The following RNLS variants were observed in gnomAD, a reference collection of about 807,000 sequenced individuals.
RNLS encodes renalase.
Under a neutral mutation model 39.8 loss-of-function variants are expected in RNLS, and 39 were observed. That is an observed-to-expected ratio of 0.98 (90% confidence interval 0.76 to 1.28). The LOEUF (loss-of-function observed/expected upper bound fraction) is 1.28, where lower values mean the gene tolerates loss of function less well. Ranked by LOEUF, RNLS falls within the 50% of genes most tolerant of loss-of-function variation. The pLI is 0.00. For missense variants in RNLS, 410 were observed against 413.3 expected (o/e 0.99, Z 0.07); for synonymous variants, 147 against 150.7 (o/e 0.98, Z 0.18).
intron 4 of RNLS, among the ~76,000 whole-genome samples, chr10:88,371,030 T>C (rs1850520188): frequency 6.6e-6 from 1 of 152,182 alleles, no homozygotes; most frequent in Non-Finnish European, 1.5e-5. Flanking sequence ...ATTTCTTTCA[T>C]CCTGAGAAGC....
chr10:88,438,237 C>T (rs1841522184), intron 4 of RNLS, among the ~76,000 whole-genome samples: 2 of 151,788 alleles, frequency 1.3e-5, no homozygotes, highest in South Asian at 2.1e-4. Context: ...AGCCATGAGT[C>T]AATCCAGGCA....
At chr10:88,524,675 C>G (rs1446484742) in intron 4 of RNLS, among the ~76,000 whole-genome samples, 2 of 151,856 alleles carry the variant, frequency 1.3e-5, no homozygotes, top group Admixed American at 6.6e-5. Flanking sequence ...TCTACCATGT[C>G]AGACAGTGCA....
intron 4 of RNLS, among the ~76,000 whole-genome samples, chr10:88,556,750 T>C (rs1173097208): frequency 6.6e-6 from 1 of 152,154 alleles, no homozygotes; most frequent in African/African-American, 2.4e-5. Context: ...ACACTTTCAC[T>C]ACCTTCAGGT....
chr10:88,385,723 C>T (rs943180386), intron 4 of RNLS, among the ~76,000 whole-genome samples: 4 of 152,114 alleles, frequency 2.6e-5, no homozygotes, highest in African/African-American at 4.8e-5. Context: ...GGTTTTCCTT[C>T]GGGTGGGGCC....
chr10:88,460,885 G>A (rs896627685), intron 4 of RNLS, among the ~76,000 whole-genome samples: 3 of 152,058 alleles, frequency 2.0e-5, no homozygotes, highest in Admixed American at 6.6e-5. Flanking sequence ...CTCCTGCTCT[G>A]TAGCAAAAGG....
chr10:88,187,198 T>TAATATATATAACATATATATA, the RNLS span, among the ~76,000 whole-genome samples: 2 of 13,810 alleles, frequency 1.4e-4, 1 homozygote, highest in Non-Finnish European at 4.1e-4. Flanking sequence ...ATATATATAA[T>TAATATATATAACATATATATA]ATATATATAA....
chr10:88,397,209 G>C (rs768419617), intron 4 of RNLS, among the ~76,000 whole-genome samples: 1 of 151,934 alleles, frequency 6.6e-6, no homozygotes, highest in African/African-American at 2.4e-5. Flanking sequence ...GATGAAGCCT[G>C]TGTTAGGCCA....
intron 4 of RNLS, among the ~76,000 whole-genome samples, chr10:88,565,767 T>C (rs1470801944): frequency 2.0e-5 from 3 of 147,878 alleles, no homozygotes; most frequent in South Asian, 2.2e-4. Context: ...TTTTTTTTTT[T>C]TGAGAGGGAG....
chr10:88,354,370 T>C (rs1848976644), intron 5 of RNLS, among the ~76,000 whole-genome samples: 1 of 152,208 alleles, frequency 6.6e-6, no homozygotes. Context: ...TTCCTTTCCA[T>C]GTTTAGTGCT....
chr10:88,193,579 G>C, the RNLS span, among the ~76,000 whole-genome samples: 1 of 151,984 alleles, frequency 6.6e-6, no homozygotes, highest in Non-Finnish European at 1.5e-5. Flanking sequence ...TTTTTTAAGA[G>C]CAAACTCAAG....
At chr10:88,532,005 A>G (rs1240515183) in intron 4 of RNLS, among the ~76,000 whole-genome samples, 1 of 152,060 alleles carries the variant, frequency 6.6e-6, no homozygotes, top group African/African-American at 2.4e-5. Flanking sequence ...CCCCATCTCT[A>G]CTTAGCAGTA....
intron 4 of RNLS, chr10:88,545,463 G>A (rs1196382750): frequency 2.2e-6 from 1 of 456,234 alleles, no homozygotes; most frequent in African/African-American, 2.0e-5. Context: ...TTACGTGGTG[G>A]CAGGCAAGAC....
intron 4 of RNLS, among the ~76,000 whole-genome samples, chr10:88,425,585 G>A (rs967430960): frequency 4.6e-5 from 7 of 151,982 alleles, no homozygotes; most frequent in Admixed American, 2.0e-4. Flanking sequence ...ATGATTTATT[G>A]GGTATTCCAC....
chr10:88,203,454 GTGTA>G, the RNLS span, among the ~76,000 whole-genome samples: 3 of 838 alleles, frequency 3.6e-3, no homozygotes, highest in Non-Finnish European at 5.7e-3. Context: ...GTGTGTGTGT[GTGTA>G]TATATATATA....
exon 7 of RNLS, chr10:88,274,438 T>C (rs192987172): frequency 6.5e-6 from 1 of 152,954 alleles, no homozygotes; most frequent in African/African-American, 2.4e-5. Context: ...ATAAGTAGAA[T>C]TATGTAATAT....
At chr10:88,314,214 A>C (rs575513199) in intron 6 of RNLS, among the ~76,000 whole-genome samples, 22 of 152,334 alleles carry the variant, frequency 1.4e-4, no homozygotes, top group African/African-American at 5.3e-4. Context: ...CGGAATATCA[A>C]GGTTTGTAAG....
chr10:88,498,130 A>G (rs1372335016), intron 4 of RNLS, among the ~76,000 whole-genome samples: 1 of 152,070 alleles, frequency 6.6e-6, no homozygotes, highest in Non-Finnish European at 1.5e-5. Context: ...GTAGCCTAAG[A>G]ATGAAGAAAT....
chr10:88,172,947 C>A, the RNLS span, among the ~76,000 whole-genome samples: 1 of 144,408 alleles, frequency 6.9e-6, no homozygotes, highest in Non-Finnish European at 1.5e-5. Flanking sequence ...ACCTCCACCT[C>A]CCGGGTTCAT....
chr10:88,451,244 C>T (rs1842343897), intron 4 of RNLS, among the ~76,000 whole-genome samples: 1 of 152,170 alleles, frequency 6.6e-6, no homozygotes, highest in African/African-American at 2.4e-5. Flanking sequence ...TTCCCTCTGC[C>T]TTCTGGTATG....
Sources: gnomAD v4.1 joint callset for allele counts (sites outside exome capture counted in the v4.1 genomes callset) on GRCh38, gnomAD v4.1.1 for gene constraint, MANE v1.5 for transcripts, NCBI Gene and HGNC (gene_info 2026-07-23, HGNC 2026-07-21) for gene names.